BBX: variants seen among roughly 807,000 people sequenced by gnomAD.
The protein encoded by BBX is BBX high mobility group box domain containing.
Under a neutral mutation model 100.2 loss-of-function variants are expected in BBX, and 30 were observed. The ratio of observed to expected loss-of-function variants is 0.30; its 90% CI spans 0.22 to 0.41. BBX has a LOEUF of 0.41. Among genes scored for constraint, BBX ranks in the 10% least tolerant of loss-of-function variants. The pLI is 1.00. For missense variants in BBX, 1,023 were observed against 1,129.8 expected (o/e 0.91, Z 1.35); for synonymous variants, 376 against 388.1 (o/e 0.97, Z 0.37).
chr3:107,544,157 T>A (rs2107378253), intron 2 of BBX, among the ~76,000 whole-genome samples: 1 of 152,334 alleles, frequency 6.6e-6, no homozygotes, highest in South Asian at 2.1e-4. Context: ...GAAATGACCA[T>A]CATTCAGCCC....
intron 2 of BBX, among the ~76,000 whole-genome samples, chr3:107,588,990 C>T (rs895169507): frequency 2.6e-5 from 4 of 152,116 alleles, no homozygotes; most frequent in African/African-American, 9.7e-5. Flanking sequence ...TCTCCAAAGA[C>T]CATCTGTGTT....
At chr3:107,531,910 A>G (rs111827058) in intron 2 of BBX, among the ~76,000 whole-genome samples, 18 of 152,040 alleles carry the variant, frequency 1.2e-4, no homozygotes, top group African/African-American at 4.1e-4. Flanking sequence ...TCAGTTCTCA[A>G]ACTTTCTTCC....
chr3:107,710,099 C>T (rs907082748), intron 3 of BBX, among the ~76,000 whole-genome samples: 4 of 152,210 alleles, frequency 2.6e-5, no homozygotes, highest in Admixed American at 1.3e-4. Context: ...AATTGAGAAA[C>T]GCTTCCCTGA....
intron 8 of BBX, among the ~76,000 whole-genome samples, chr3:107,746,078 A>T (rs1482763816): frequency 1.3e-5 from 2 of 152,224 alleles, no homozygotes; most frequent in East Asian, 3.9e-4. Flanking sequence ...AACTTCTGAG[A>T]TACTTTTCAC....
chr3:107,728,995 G>A (rs979488376), intron 6 of BBX, 35 bp downstream of exon 6: 2 of 1,594,296 alleles, frequency 1.3e-6, no homozygotes, highest in African/African-American at 1.3e-5. Context: ...TATTCTTTAA[G>A]GACAGGGCAA....
At chr3:107,543,366 T>C (rs957390386) in intron 2 of BBX, among the ~76,000 whole-genome samples, 1 of 152,250 alleles carries the variant, frequency 6.6e-6, no homozygotes, top group Non-Finnish European at 1.5e-5. Context: ...AACACATTTT[T>C]AGCCAATTCA....
At chr3:107,579,563 C>G (rs1366056416) in intron 2 of BBX, among the ~76,000 whole-genome samples, 2 of 152,170 alleles carry the variant, frequency 1.3e-5, no homozygotes, top group Non-Finnish European at 2.9e-5. Flanking sequence ...GAGTGTAACT[C>G]CTGAGAGCCT....
intron 2 of BBX, among the ~76,000 whole-genome samples, chr3:107,556,911 T>C (rs566143287): frequency 6.6e-6 from 1 of 152,274 alleles, no homozygotes; most frequent in East Asian, 1.9e-4. Flanking sequence ...AGCCCAAATT[T>C]TGTTGCCAGA....
At chr3:107,608,786 G>C (rs2054625573) in intron 2 of BBX, among the ~76,000 whole-genome samples, 1 of 151,978 alleles carries the variant, frequency 6.6e-6, no homozygotes, top group African/African-American at 2.4e-5. Flanking sequence ...CACTTCTTTG[G>C]TTAAATTAAT....
At chr3:107,539,664 A>G (rs2048740578) in intron 2 of BBX, among the ~76,000 whole-genome samples, 1 of 152,206 alleles carries the variant, frequency 6.6e-6, no homozygotes, top group Non-Finnish European at 1.5e-5. Context: ...TTTATAAATT[A>G]TATATACTAG....
intron 2 of BBX, among the ~76,000 whole-genome samples, chr3:107,595,817 C>T (rs923227787): frequency 6.6e-6 from 1 of 152,180 alleles, no homozygotes; most frequent in Non-Finnish European, 1.5e-5. Context: ...GTTTAACATG[C>T]TGACCCCTGC....
chr3:107,783,785 T>G (rs1034956298), intron 13 of BBX, among the ~76,000 whole-genome samples: 1 of 152,092 alleles, frequency 6.6e-6, no homozygotes, highest in Non-Finnish European at 1.5e-5. Context: ...ATGTGATATA[T>G]TTTCTTTGTA....
At chr3:107,722,154 T>G (rs1361298207) in intron 5 of BBX, among the ~76,000 whole-genome samples, 1 of 152,036 alleles carries the variant, frequency 6.6e-6, no homozygotes, top group African/African-American at 2.4e-5. Flanking sequence ...TATTTGATTT[T>G]GAAATATTAG....
intron 10 of BBX, among the ~76,000 whole-genome samples, chr3:107,765,992 A>G (rs996528953): frequency 7.8e-5 from 7 of 89,726 alleles, no homozygotes; most frequent in African/African-American, 2.1e-4. Flanking sequence ...AATGATTTTC[A>G]TATTAGTAGA....
At chr3:107,624,226 G>A (rs1353890099) in intron 2 of BBX, among the ~76,000 whole-genome samples, 1 of 152,106 alleles carries the variant, frequency 6.6e-6, no homozygotes, top group Non-Finnish European at 1.5e-5. Flanking sequence ...TTAATGTAAA[G>A]CATTTAGAAT....
intron 4 of BBX, among the ~76,000 whole-genome samples, chr3:107,711,854 C>T (rs2061742381): frequency 6.6e-6 from 1 of 152,080 alleles, no homozygotes; most frequent in African/African-American, 2.4e-5. Flanking sequence ...CCTTTGGCCA[C>T]CCACACCTGT....
chr3:107,725,180 G>A (rs1383698801), intron 5 of BBX, among the ~76,000 whole-genome samples: 2 of 152,050 alleles, frequency 1.3e-5, no homozygotes, highest in African/African-American at 4.8e-5. Flanking sequence ...GTTGTGAAGG[G>A]GAGTTCACTC....
At chr3:107,652,565 A>G (rs912646186) in intron 3 of BBX, among the ~76,000 whole-genome samples, 8 of 152,228 alleles carry the variant, frequency 5.3e-5, no homozygotes, top group Non-Finnish European at 1.2e-4. Flanking sequence ...TCTTCTTAAC[A>G]TTAAGATCAA....
chr3:107,738,525 A>G (rs1355534213), intron 7 of BBX, among the ~76,000 whole-genome samples: 2 of 152,196 alleles, frequency 1.3e-5, no homozygotes, highest in Non-Finnish European at 2.9e-5. Flanking sequence ...TTATAAGTAA[A>G]TATTTACCAT....
Sources: gnomAD v4.1 joint callset for allele counts (sites outside exome capture counted in the v4.1 genomes callset) on GRCh38, gnomAD v4.1.1 for gene constraint, MANE v1.5 for transcripts, NCBI Gene and HGNC (gene_info 2026-07-23, HGNC 2026-07-21) for gene names.